Variants in ARHGAP44 observed in about 807,000 individuals in gnomAD.
ARHGAP44 encodes rho GTPase-activating protein 44.
ARHGAP44 carries 43 observed loss-of-function variants against 106.8 expected under a neutral mutation model. The ratio of observed to expected loss-of-function variants is 0.40; its 90% CI spans 0.32 to 0.52. ARHGAP44 has a LOEUF of 0.52. ARHGAP44 is among the 20% of genes least tolerant of loss of function. The pLI is 0.48. For missense variants in ARHGAP44, 866 were observed against 1,050.5 expected (o/e 0.82, Z 2.43); for synonymous variants, 439 against 410.3 (o/e 1.07, Z -0.85).
chr17:12,801,743 A>G (rs1245537163), intron 1 of ARHGAP44, among the ~76,000 whole-genome samples: 1 of 152,194 alleles, frequency 6.6e-6, no homozygotes, highest in Non-Finnish European at 1.5e-5. Context: ...AAATGCATAG[A>G]AAAGTCTGGA....
chr17:12,904,884 C>G (rs1041225244), intron 3 of ARHGAP44, among the ~76,000 whole-genome samples: 1 of 151,932 alleles, frequency 6.6e-6, no homozygotes, highest in Non-Finnish European at 1.5e-5. Context: ...TATAAATCCT[C>G]TAGCATCTTT....
chr17:12,878,290 C>T (rs1009686660), intron 1 of ARHGAP44, among the ~76,000 whole-genome samples: 2 of 151,972 alleles, frequency 1.3e-5, no homozygotes, highest in Admixed American at 1.3e-4. Flanking sequence ...GGAAACGCTG[C>T]CATGACCTAA....
At chr17:12,869,383 A>G (rs1354325419) in intron 1 of ARHGAP44, among the ~76,000 whole-genome samples, 1 of 151,486 alleles carries the variant, frequency 6.6e-6, no homozygotes, top group East Asian at 1.9e-4. Context: ...TCATAAATTT[A>G]TAACATGTGG....
intron 5 of ARHGAP44, among the ~76,000 whole-genome samples, chr17:12,919,127 T>A (rs1245614478): frequency 6.6e-6 from 1 of 152,148 alleles, no homozygotes; most frequent in Non-Finnish European, 1.5e-5. Flanking sequence ...AGAGGATAGA[T>A]CTTCAGCGTA....
At chr17:12,813,632 A>G (rs2034504393) in intron 1 of ARHGAP44, among the ~76,000 whole-genome samples, 1 of 152,194 alleles carries the variant, frequency 6.6e-6, no homozygotes, top group Non-Finnish European at 1.5e-5. Context: ...AAAAGTTACA[A>G]AAAACCAGCT....
Position 12,949,602 on chromosome 17 carries a change from T to C in ARHGAP44, c.974-47T>C. On this transcript the variant is annotated intron_variant, in intron 11 of 20. Coordinates refer to ENST00000379672, the MANE Select transcript of ARHGAP44 (RefSeq NM_014859.6). This position sits in a 1 kb window ranked among gnomAD's most constrained non-coding sequence, Gnocchi z 4.1. Reference sequence around the variant, plus strand: ...GCAGTGCTGGCTGGTGGGTCTTGCCTCTGCCACATCATAACAGTTCACAAC... The same window carrying C: ...GCAGTGCTGGCTGGTGGGTCTTGCCCCTGCCACATCATAACAGTTCACAAC... The C allele has an allele frequency of 1.3e-6, 2 of 1,589,516 alleles. No individual in the cohort carries two copies. The highest frequency in any genetic ancestry group is 1.7e-6 in the Non-Finnish European group (2 of 1,159,674).
chr17:12,830,623 C>T (rs1311894574), intron 1 of ARHGAP44, among the ~76,000 whole-genome samples: 4 of 152,160 alleles, frequency 2.6e-5, no homozygotes, highest in Non-Finnish European at 5.9e-5. Flanking sequence ...CGACCTTAGG[C>T]AAGTCATTTT....
intron 1 of ARHGAP44, among the ~76,000 whole-genome samples, chr17:12,796,302 A>G (rs2033918796): frequency 6.6e-6 from 1 of 152,216 alleles, no homozygotes; most frequent in Non-Finnish European, 1.5e-5. Context: ...GCTATACAGT[A>G]TTCCACTGTA....
intron 1 of ARHGAP44, among the ~76,000 whole-genome samples, chr17:12,825,136 A>T (rs1336458031): frequency 1.5e-4 from 23 of 151,994 alleles, no homozygotes; most frequent in Admixed American, 1.5e-3. Context: ...CCCTAGGCTA[A>T]AGTGATCCTC....
At position 12,789,984 on chromosome 17, in the gene ARHGAP44, C is replaced by T. The variant is rs897967337; in HGVS notation, c.53+93C>T. 1.4e-5 allele frequency: 17 copies of T among 1,247,678 alleles called. No homozygotes were observed. The South Asian group carries it at 2.2e-4, about 16-fold the overall frequency. 77.3% of individuals were successfully genotyped at this position (1,247,678 alleles called of 1,614,324 possible). On this transcript the variant is annotated intron_variant, in intron 1 of 20. Transcript: ENST00000379672. Reference sequence around the variant, plus strand: ...GATGGAGCCCGCCCAGCCTCCAGTCCTCCTTGCCTCAGTCCTTTCCCCTGC... The same window carrying T: ...GATGGAGCCCGCCCAGCCTCCAGTCTTCCTTGCCTCAGTCCTTTCCCCTGC...
At chr17:12,944,934 G>T (rs1211664270) in intron 10 of ARHGAP44, among the ~76,000 whole-genome samples, 1 of 151,848 alleles carries the variant, frequency 6.6e-6, no homozygotes, top group African/African-American at 2.4e-5. Flanking sequence ...AACTCTTATA[G>T]AGATCCTGAA....
chr17:12,955,902 A>G lies in ARHGAP44; in HGVS notation c.1172A>G (p.Tyr391Cys). 1.2e-6 allele frequency: 2 copies of G among 1,613,570 alleles called. No individual in the cohort carries two copies. Among genetic ancestry groups the G allele is most frequent in the Admixed American group, 1.7e-5 (1 of 59,954 alleles). ...AAATTTTTATCCAAGCTGTCAGAATATCAAGATGTAAACAAGATGACTCCC... is the reference window on the plus strand; with the variant it reads ...AAATTTTTATCCAAGCTGTCAGAATGTCAAGATGTAAACAAGATGACTCCC... Reference protein sequence around the residue: ...LIKFLSKLSEYQDVNKMTPSN... With the variant: ...LIKFLSKLSECQDVNKMTPSN... Residue 391 changes from tyrosine (Y) to cysteine (C), a missense_variant, in exon 14 of 21, where the codon TAT (tyrosine) becomes TGT (cysteine). By Grantham distance (194) the Tyr-to-Cys change is radical. This residue lies in a region of ARHGAP44 where 448 missense variants were observed against 646.9 expected (regional missense o/e 0.69). Transcript: ENST00000379672.
intron 7 of ARHGAP44, among the ~76,000 whole-genome samples, chr17:12,940,766 G>C (rs189068519): frequency 9.2e-5 from 14 of 152,278 alleles, no homozygotes; most frequent in African/African-American, 3.4e-4. Context: ...GAGATGGATG[G>C]AACTAATTTG....
In ARHGAP44 at chr17:12,990,143, A is replaced by C; in HGVS notation, c.2429A>C (p.Glu810Ala). The change falls in exon 21 of 21, where the codon GAG (glutamate) becomes GCG (alanine). Residue 810 changes from glutamate (E) to alanine (A), a missense_variant. Physicochemically the swap from Glu to Ala is moderately radical, Grantham distance 107. Around this residue, in one of 2 missense-constraint regions of ARHGAP44, gnomAD observed 418 missense variants for 403.6 expected, o/e 1.04. Coordinates refer to ENST00000379672, the MANE Select transcript of ARHGAP44 (RefSeq NM_014859.6). Reference protein sequence around the residue: ...RHSVTDKRDSEEESESTAL With the variant: ...RHSVTDKRDSAEESESTAL Reference sequence around the variant, plus strand: ...TCAGTAACTGACAAGAGGGACTCGGAGGAGGAGTCTGAGAGCACCGCCCTC... The same window carrying C: ...TCAGTAACTGACAAGAGGGACTCGGCGGAGGAGTCTGAGAGCACCGCCCTC... 1 of 1,613,020 alleles carries C rather than the reference A, an allele frequency of 6.2e-7. No homozygotes were observed. The highest frequency in any genetic ancestry group is 8.5e-7 in the Non-Finnish European group (1 of 1,179,404).
At chr17:12,983,196 C>T (rs992745945) in intron 19 of ARHGAP44, among the ~76,000 whole-genome samples, 19 of 139,016 alleles carry the variant, frequency 1.4e-4, no homozygotes, top group Admixed American at 5.5e-4. Context: ...ACCCGGGAGG[C>T]GGAGTTTGCA....
intron 1 of ARHGAP44, among the ~76,000 whole-genome samples, chr17:12,852,825 G>A (rs2035796698): frequency 6.6e-6 from 1 of 152,148 alleles, no homozygotes; most frequent in Non-Finnish European, 1.5e-5. Flanking sequence ...ACAGGCGTGA[G>A]CCACTGTGCC....
At chr17:12,975,205 A>T (rs2039645803) in intron 18 of ARHGAP44, among the ~76,000 whole-genome samples, 1 of 152,220 alleles carries the variant, frequency 6.6e-6, no homozygotes, top group Admixed American at 6.5e-5. Context: ...GACCACAGGT[A>T]ACTGAAACTA....
intron 3 of ARHGAP44, among the ~76,000 whole-genome samples, chr17:12,906,995 GAGAAA>G (rs1281329103): frequency 6.6e-6 from 1 of 151,936 alleles, no homozygotes; most frequent in Non-Finnish European, 1.5e-5. Context: ...AAGAAGAAAA[GAGAAA>G]AGAAAAATGT....
chr17:12,986,979 A>G (rs1043693061), intron 20 of ARHGAP44: 3 of 870,660 alleles, frequency 3.4e-6, no homozygotes, highest in African/African-American at 3.5e-5. Context: ...AGAATCCATC[A>G]TGGTTTGATG....
Sources: gnomAD v4.1 joint callset for allele counts (sites outside exome capture counted in the v4.1 genomes callset) on GRCh38, gnomAD v4.1.1 for gene constraint, gnomAD v4.1.1 regional missense constraint, Gnocchi (gnomAD v3.1) non-coding constraint, MANE v1.5 for transcripts, NCBI Gene and HGNC (gene_info 2026-07-23, HGNC 2026-07-21) for gene names.